Variants in MICU2 observed in about 807,000 individuals in gnomAD.
MICU2 encodes the protein mitochondrial calcium uptake 2, also known as calcium uptake protein 2, mitochondrial.
In MICU2, 64 loss-of-function variants were observed where a neutral mutation model predicts 60.4. The ratio of observed to expected loss-of-function variants is 1.06; its 90% CI spans 0.87 to 1.31. MICU2 has a LOEUF of 1.31. Ranked by LOEUF, MICU2 falls within the 50% of genes most tolerant of loss-of-function variation. MICU2 has a pLI of 0.00. For missense variants in MICU2, 569 were observed against 531.0 expected (o/e 1.07, Z -0.70); for synonymous variants, 201 against 175.0 (o/e 1.15, Z -1.17).
At chr13:21,535,852 C>T (rs1433023052) in intron 4 of MICU2, among the ~76,000 whole-genome samples, 2 of 151,966 alleles carry the variant, frequency 1.3e-5, no homozygotes, top group Non-Finnish European at 2.9e-5. Context: ...TAAATTCTTT[C>T]AACAATCCCA....
chr13:21,493,298 A>G lies in MICU2; in HGVS notation c.1256T>C (p.Ile419Thr). 1 of 1,611,300 alleles carries G rather than the reference A, an allele frequency of 6.2e-7. No homozygotes were observed. ...EYWKCVKKESIKGVKEVWKQA... is the reference protein window; with the variant it reads ...EYWKCVKKESTKGVKEVWKQA... ...TTTCCAGACTTCTTTTACTCCTTTA[A>G]TGCTTTCTTTCTTCACACACTTCCA... The change falls in exon 12 of 12, where the codon ATT (isoleucine) becomes ACT (threonine). Residue 419 changes from isoleucine (I) to threonine (T), a missense_variant. Ile to Thr is a moderately conservative substitution (Grantham distance 89, BLOSUM62 -1). Coordinates refer to ENST00000382374, the MANE Select transcript of MICU2 (RefSeq NM_152726.3).
At chr13:21,515,384 T>C (rs1470274134) in intron 6 of MICU2, 2 of 216,426 alleles carry the variant, frequency 9.2e-6, no homozygotes, top group Non-Finnish European at 1.9e-5. Context: ...GCCCGGCCTA[T>C]AGTTTTAAAA....
chr13:21,533,645 T>C (rs916694774), intron 4 of MICU2, among the ~76,000 whole-genome samples: 30 of 152,104 alleles, frequency 2.0e-4, no homozygotes, highest in African/African-American at 6.8e-4. Context: ...TTTTTAAAAA[T>C]TCTATTTGTG....
chr13:21,602,251 A>G (rs915828721), intron 1 of MICU2, among the ~76,000 whole-genome samples: 8 of 149,296 alleles, frequency 5.4e-5, no homozygotes, highest in African/African-American at 7.4e-5. Context: ...GGCCGGGCGC[A>G]GTGGCTCACG....
At chr13:21,547,327 A>G (rs982092517) in intron 2 of MICU2, among the ~76,000 whole-genome samples, 1 of 152,142 alleles carries the variant, frequency 6.6e-6, no homozygotes, top group African/African-American at 2.4e-5. Context: ...TTAATGATTT[A>G]TCTCCTCATA....
At chr13:21,570,879 T>TA (rs2138044971) in intron 1 of MICU2, among the ~76,000 whole-genome samples, 1 of 152,348 alleles carries the variant, frequency 6.6e-6, no homozygotes, top group East Asian at 1.9e-4. Context: ...TGCTAATTTA[T>TA]AGCCTAGGGA....
At position 21,597,948 on chromosome 13, in the gene MICU2, A is replaced by AAAC. The variant is rs1555277646; in HGVS notation, c.210+5990_210+5991insGTT. The stretch of plus-strand genomic sequence containing the variant: ...TCTGTCTCAAAAAAAAAAAAAAAAA[A>AAAC]AGAATTTCAAAGAGCGATAAGTACT... On this transcript the variant is annotated intron_variant, in intron 1 of 11. Coordinates refer to ENST00000382374, the MANE Select transcript of MICU2 (RefSeq NM_152726.3). Among the ~76,000 whole-genome samples, 20 of 143,170 alleles carry AAAC rather than the reference A, an allele frequency of 1.4e-4. 1 individual carries two copies. The highest frequency in any genetic ancestry group is 2.5e-4 in the Non-Finnish European group (16 of 64,618). 93.9% of individuals were successfully genotyped at this position (143,170 alleles called of 152,430 possible). A position where few individuals can be genotyped will look rare whatever the true frequency, so the allele number is the denominator to read the frequency against.
chr13:21,495,435 TA>T, intron 10 of MICU2, 117 bp from the exon 11 acceptor site: 1 of 1,116,452 alleles, frequency 9.0e-7, no homozygotes, highest in South Asian at 2.3e-5. Context: ...ATTTGGGAAG[TA>T]AAACAAAAAC....
At position 21,495,282 on chromosome 13, in the gene MICU2, T is replaced by C. The variant is rs377534280; in HGVS notation, c.1079A>G (p.Gln360Arg). Residue 360 changes from glutamine (Q) to arginine (R), a missense_variant, in exon 11 of 12, where the codon CAA becomes CGA. Coordinates refer to ENST00000382374, the MANE Select transcript of MICU2 (RefSeq NM_152726.3). ...FKRAVKVATGQELSNNILDTV... is the reference protein window; with the variant it reads ...FKRAVKVATGRELSNNILDTV... ...GTCCAAAATATTGTTTGAGAGTTCT[T>C]GTCCTGTTGCTACTTTCACAGCTCT... 2 of 1,609,998 alleles carry C rather than the reference T, an allele frequency of 1.2e-6. No individual in the cohort carries two copies. Among genetic ancestry groups the C allele is most frequent in the Non-Finnish European group, 8.5e-7 (1 of 1,177,974 alleles).
intron 2 of MICU2, among the ~76,000 whole-genome samples, chr13:21,556,717 C>A (rs1887717472): frequency 6.6e-6 from 1 of 151,932 alleles, no homozygotes; most frequent in Non-Finnish European, 1.5e-5. Flanking sequence ...AGGGAGGGAT[C>A]TGAAGAACTC....
chr13:21,585,826 T>G (rs942182451), intron 1 of MICU2, among the ~76,000 whole-genome samples: 2 of 152,164 alleles, frequency 1.3e-5, no homozygotes, highest in East Asian at 1.9e-4. Context: ...ATCATCTCTT[T>G]TAGTCAGATT....
intron 1 of MICU2, among the ~76,000 whole-genome samples, chr13:21,570,309 A>C (rs899530121): frequency 2.0e-5 from 3 of 152,138 alleles, no homozygotes; most frequent in African/African-American, 7.2e-5. Flanking sequence ...GAATTTTAAA[A>C]GTACATTTTA....
chr13:21,593,222 G>C (rs1888621265), intron 1 of MICU2, among the ~76,000 whole-genome samples: 1 of 151,506 alleles, frequency 6.6e-6, no homozygotes, highest in African/African-American at 2.4e-5. Flanking sequence ...ACAACGATAG[G>C]CAAGCAGAGA....
chr13:21,547,059 C>T (rs1222767654), intron 2 of MICU2, among the ~76,000 whole-genome samples: 1 of 152,106 alleles, frequency 6.6e-6, no homozygotes, highest in Non-Finnish European at 1.5e-5. Flanking sequence ...GACAGCCTTG[C>T]CTAGTTCCTG....
intron 8 of MICU2, among the ~76,000 whole-genome samples, chr13:21,504,675 G>A (rs1262071965): frequency 1.3e-5 from 2 of 152,068 alleles, no homozygotes; most frequent in African/African-American, 4.8e-5. Context: ...TTATAAATTA[G>A]TGGGTTAATT....
chr13:21,571,424 A>C (rs1297633792), intron 1 of MICU2, among the ~76,000 whole-genome samples: 2 of 152,176 alleles, frequency 1.3e-5, no homozygotes, highest in Admixed American at 1.3e-4. Context: ...TAGGCTGGGC[A>C]CGGGGGCTCA....
intron 9 of MICU2, among the ~76,000 whole-genome samples, chr13:21,499,246 G>A (rs764538973): frequency 2.6e-5 from 4 of 151,462 alleles, no homozygotes; most frequent in East Asian, 2.0e-4. Flanking sequence ...CCATAGGCCC[G>A]GCCTGAATTT....
At chr13:21,568,478 G>C (rs532874242) in intron 1 of MICU2, among the ~76,000 whole-genome samples, 4 of 152,016 alleles carry the variant, frequency 2.6e-5, no homozygotes, top group African/African-American at 4.8e-5. Flanking sequence ...TTTTAATTAC[G>C]TAAGTCCACA....
At chr13:21,555,749 C>A (rs550026895) in intron 2 of MICU2, among the ~76,000 whole-genome samples, 2 of 152,054 alleles carry the variant, frequency 1.3e-5, no homozygotes, top group Non-Finnish European at 2.9e-5. Context: ...CCTTCCCCCC[C>A]TCTTCACTCT....
Sources: allele counts gnomAD v4.1 joint callset (sites outside exome capture counted in the v4.1 genomes callset), GRCh38; gene constraint gnomAD v4.1.1; transcripts MANE v1.5; gene names NCBI Gene and HGNC (gene_info 2026-07-23, HGNC 2026-07-21).